Variants in RAPGEF6 observed in about 807,000 individuals in gnomAD.
RAPGEF6 encodes the protein PDZ domain containing guanine nucleotide exchange factor (GEF) 2.
RAPGEF6 carries 56 observed loss-of-function variants against 171.4 expected under a neutral mutation model. The observed-to-expected ratio is 0.33, with a 90% confidence interval of 0.26 to 0.41. The LOEUF is 0.41. Ranked by LOEUF, RAPGEF6 falls within the 10% of genes least tolerant of loss-of-function variation. The pLI, the probability that RAPGEF6 is intolerant of heterozygous loss-of-function variation, is 1.00. For synonymous variants in RAPGEF6, 692 were observed against 650.1 expected (o/e 1.06, Z -0.98); for missense variants, 1,674 against 1,921.4 (o/e 0.87, Z 2.41).
intron 5 of RAPGEF6, among the ~76,000 whole-genome samples, chr5:131,550,074 C>A (rs1760823237): frequency 6.6e-6 from 1 of 152,130 alleles, no homozygotes; most frequent in Non-Finnish European, 1.5e-5. Context: ...TGGTTCAATT[C>A]TCTCTCAGAT....
chr5:131,585,138 G>A (rs2021774), intron 4 of RAPGEF6, among the ~76,000 whole-genome samples: 115,298 of 152,004 alleles, frequency 0.76, 43,946 homozygotes, highest in Middle Eastern at 0.81. Context: ...ATAAAAGGTG[G>A]CACTAAATGA....
chr5:131,472,583 T>C lies in RAPGEF6; in HGVS notation c.2239+4A>G, dbSNP rs1234904834. ...GGCAATATAAAATCACATATGAAAA[T>C]TACCTGAAGGATTGGAAAAATCCAA... On this transcript the variant is annotated splice_donor_region_variant and intron_variant, in intron 17 of 27. Transcript: ENST00000509018. The C allele has an allele frequency of 1.2e-6, 2 of 1,612,570 alleles. No individual in the cohort carries two copies. Among genetic ancestry groups the C allele is most frequent in the Non-Finnish European group, 1.7e-6 (2 of 1,178,644 alleles).
At chr5:131,463,622 G>C in intron 18 of RAPGEF6, 2 of 619,740 alleles carry the variant, frequency 3.2e-6, no homozygotes, top group Admixed American at 6.5e-5. Flanking sequence ...ATGTACTACA[G>C]AAATAATCTA....
chr5:131,546,893 T>A (rs1051458220), intron 6 of RAPGEF6, among the ~76,000 whole-genome samples: 1 of 152,202 alleles, frequency 6.6e-6, no homozygotes, highest in Non-Finnish European at 1.5e-5. Context: ...AATAGTTATA[T>A]AACTGTGTAA....
At chr5:131,546,870 C>G (rs1760579058) in intron 6 of RAPGEF6, among the ~76,000 whole-genome samples, 1 of 151,992 alleles carries the variant, frequency 6.6e-6, no homozygotes, top group Non-Finnish European at 1.5e-5. Flanking sequence ...CCAAGAATTG[C>G]AAAATATCAT....
rs145715150 is a variant in RAPGEF6, at chr5:131,622,152, C to T, written c.69+12810G>A. On this transcript the variant is annotated intron_variant, in intron 1 of 27. Coordinates refer to ENST00000509018, the MANE Select transcript of RAPGEF6 (RefSeq NM_016340.6). Reference sequence around the variant, plus strand: ...AATCCTATAAATAATCCAAACTCCACACCAGGCACTTGTGACACTCATAAA... The same window carrying T: ...AATCCTATAAATAATCCAAACTCCATACCAGGCACTTGTGACACTCATAAA... Among the ~76,000 whole-genome samples the T allele has an allele frequency of 5.9e-3, 896 of 152,216 alleles. 7 individuals are homozygous for T. Among genetic ancestry groups the T allele is most frequent in the African/African-American group, 0.021 (860 of 41,528 alleles).
At chr5:131,459,833 T>C (rs1465342297) in intron 19 of RAPGEF6, among the ~76,000 whole-genome samples, 1 of 152,132 alleles carries the variant, frequency 6.6e-6, no homozygotes, top group Admixed American at 6.5e-5. Context: ...GGAGAGGAAT[T>C]TGGGTGGATT....
intron 6 of RAPGEF6, among the ~76,000 whole-genome samples, chr5:131,525,751 C>A (rs1278588031): frequency 6.6e-6 from 1 of 152,042 alleles, no homozygotes; most frequent in East Asian, 1.9e-4. Flanking sequence ...GTTGGGGTGT[C>A]AGGGGTAGGA....
intron 16 of RAPGEF6, among the ~76,000 whole-genome samples, chr5:131,476,948 T>G (rs1404265261): frequency 6.6e-6 from 1 of 152,188 alleles, no homozygotes; most frequent in Non-Finnish European, 1.5e-5. Context: ...ATTCTTTTTG[T>G]CAATCTGTGA....
At chr5:131,576,208 G>T (rs184369448) in intron 4 of RAPGEF6, among the ~76,000 whole-genome samples, 1 of 151,998 alleles carries the variant, frequency 6.6e-6, no homozygotes, top group Non-Finnish European at 1.5e-5. Context: ...TCCAGACTGC[G>T]CTTGGTTTAC....
At chr5:131,437,312 T>G (rs1157840108) in intron 24 of RAPGEF6, among the ~76,000 whole-genome samples, 1 of 152,176 alleles carries the variant, frequency 6.6e-6, no homozygotes, top group Admixed American at 6.5e-5. Flanking sequence ...GAGTGTTGAG[T>G]GTAGATTTTG....
Position 131,431,328 on chromosome 5 carries a change from A to C in RAPGEF6, c.3996T>G (p.Ser1332=). 2 of 1,606,872 alleles carry C rather than the reference A, an allele frequency of 1.2e-6. No individual in the cohort carries two copies. The highest frequency in any genetic ancestry group is 2.2e-5 in the South Asian group (2 of 90,902). ...ATGAGACAGCTAAACACTTGATTAG[A>C]GATGGCTTCAAGAGTGTCCACCTAA... ...HGPGWTLLKP[S]LIKCLAVSSS... The change falls in exon 26 of 28, where the codon TCT becomes TCG. Residue 1332 remains serine (S), a synonymous_variant. Coordinates refer to ENST00000509018, the MANE Select transcript of RAPGEF6 (RefSeq NM_016340.6).
chr5:131,433,644 G>T lies in RAPGEF6; in HGVS notation c.3760C>A (p.Pro1254Thr). 6.2e-7 allele frequency: 1 copy of T among 1,606,498 alleles called. No individual in the cohort carries two copies. The highest frequency in any genetic ancestry group is 8.5e-7 in the Non-Finnish European group (1 of 1,173,520). The change falls in exon 25 of 28, where the codon CCA (proline) becomes ACA (threonine). Residue 1254 changes from proline (P) to threonine (T), a missense_variant. Around this residue, in one of 3 missense-constraint regions of RAPGEF6, gnomAD observed 552 missense variants for 574.2 expected, o/e 0.96. Coordinates refer to ENST00000509018, the MANE Select transcript of RAPGEF6 (RefSeq NM_016340.6). ...GSPHKGYTLIPSAKSDNLSDS... is the reference protein window; with the variant it reads ...GSPHKGYTLITSAKSDNLSDS... ...GACAAGTTGTCAGATTTAGCTGATG[G>T]AATAAGTGTGTAACCTGAACAAGAA...
intron 5 of RAPGEF6, among the ~76,000 whole-genome samples, chr5:131,555,255 G>A (rs1040499935): frequency 2.0e-5 from 3 of 152,102 alleles, no homozygotes; most frequent in Non-Finnish European, 4.4e-5. Flanking sequence ...TCCTTTTAGA[G>A]GGGAAATGGT....
chr5:131,548,366 T>C (rs913483284), intron 5 of RAPGEF6, among the ~76,000 whole-genome samples, 176 bp from the exon 6 acceptor site: 1 of 152,218 alleles, frequency 6.6e-6, no homozygotes, highest in Non-Finnish European at 1.5e-5. Flanking sequence ...GTGATGTTAT[T>C]ATAAAGATCT....
intron 17 of RAPGEF6, among the ~76,000 whole-genome samples, chr5:131,471,523 G>C (rs1754736061): frequency 6.6e-6 from 1 of 152,100 alleles, no homozygotes; most frequent in African/African-American, 2.4e-5. Context: ...AGGTGAATCA[G>C]AACTATGCTT....
intron 4 of RAPGEF6, among the ~76,000 whole-genome samples, chr5:131,576,730 C>T (rs774134719): frequency 1.1e-4 from 17 of 152,300 alleles, no homozygotes; most frequent in South Asian, 8.3e-4. Context: ...CTTATCAATC[C>T]CTTCCTACTC....
chr5:131,481,934 G>T (rs1233101228), intron 15 of RAPGEF6, among the ~76,000 whole-genome samples: 1 of 152,074 alleles, frequency 6.6e-6, no homozygotes, highest in African/African-American at 2.4e-5. Context: ...CAATCACAGA[G>T]AATTTTTTTG....
chr5:131,455,688 T>G (rs1004338383), intron 20 of RAPGEF6, 113 bp downstream of exon 20: 1 of 835,156 alleles, frequency 1.2e-6, no homozygotes, highest in Non-Finnish European at 1.9e-6. Context: ...AATGGTAAAA[T>G]AGTGTATAGT....
Sources: allele counts gnomAD v4.1 joint callset (sites outside exome capture counted in the v4.1 genomes callset), GRCh38; gene constraint gnomAD v4.1.1; regional missense constraint gnomAD v4.1.1; transcripts MANE v1.5; gene names NCBI Gene and HGNC (gene_info 2026-07-23, HGNC 2026-07-21).